Variants in ELAVL2 observed in about 807,000 individuals in gnomAD.
ELAVL2 encodes the protein ELAV like RNA binding protein 2.
A neutral mutation model predicts 34.6 loss-of-function variants in ELAVL2; 4 were observed. The observed-to-expected ratio is 0.12, with a 90% CI of 0.06 to 0.26. The LOEUF (loss-of-function observed/expected upper bound fraction) is 0.26. ELAVL2 is among the 10% of genes least tolerant of loss of function. The probability of loss-of-function intolerance (pLI) is 1.00; values close to 1 mark genes in which losing one functional copy is unlikely to be tolerated. For synonymous variants in ELAVL2, 193 were observed against 154.8 expected, an observed-to-expected ratio of 1.25 and a Z score of -1.83; for missense variants, 432 against 442.8, an observed-to-expected ratio of 0.98 and a Z score of 0.22.
the ELAVL2 span, among the ~76,000 whole-genome samples, chr9:23,843,708 C>G: frequency 6.6e-6 from 1 of 152,024 alleles, no homozygotes. Flanking sequence ...GGCAATCTCC[C>G]TCATCATTTA....
intron 1 of ELAVL2, among the ~76,000 whole-genome samples, chr9:23,805,112 A>C (rs1488753546): frequency 6.6e-6 from 1 of 152,216 alleles, no homozygotes; most frequent in Admixed American, 6.5e-5. Context: ...TGAAATTGAG[A>C]CTGAAGAAAA....
chr9:23,741,288 C>T (rs562606171), intron 2 of ELAVL2, among the ~76,000 whole-genome samples: 1 of 152,260 alleles, frequency 6.6e-6, no homozygotes, highest in Admixed American at 6.5e-5. Flanking sequence ...ACCGACCCCC[C>T]ATCCTGGAAG....
chr9:23,711,401 A>T (rs2040918861), intron 3 of ELAVL2, among the ~76,000 whole-genome samples: 1 of 152,068 alleles, frequency 6.6e-6, no homozygotes, highest in Admixed American at 6.5e-5. Context: ...TCCTCAACTT[A>T]AATTACCTAA....
At chr9:23,830,708 G>T (rs1421179978), upstream of ELAVL2, among the ~76,000 whole-genome samples, 1 of 148,680 alleles carries the variant, frequency 6.7e-6, no homozygotes, top group African/African-American at 2.5e-5. Flanking sequence ...ACTAAGATCT[G>T]TTGCACATGT....
intron 1 of ELAVL2, among the ~76,000 whole-genome samples, chr9:23,776,116 T>C (rs1015799357): frequency 3.3e-5 from 5 of 152,158 alleles, no homozygotes; most frequent in Admixed American, 3.3e-4. Context: ...CCTGTATAGC[T>C]GGAGGAGCAG....
chr9:23,814,605 T>C (rs947277631), intron 1 of ELAVL2, among the ~76,000 whole-genome samples: 2 of 151,986 alleles, frequency 1.3e-5, no homozygotes, highest in African/African-American at 4.8e-5. Flanking sequence ...AAGCCAGCAA[T>C]CAGTAAATAG....
intron 2 of ELAVL2, among the ~76,000 whole-genome samples, chr9:23,753,436 T>A (rs368701001): frequency 2.0e-5 from 3 of 151,184 alleles, no homozygotes; most frequent in Admixed American, 6.6e-5. Flanking sequence ...AAAAAAAAAA[T>A]AAAAGGCTGG....
intron 2 of ELAVL2, among the ~76,000 whole-genome samples, chr9:23,741,698 A>G (rs749049696): frequency 6.6e-6 from 1 of 152,174 alleles, no homozygotes; most frequent in Non-Finnish European, 1.5e-5. Context: ...AGATAATGCC[A>G]ATTAGACCTT....
At chr9:23,692,951 T>C (rs2033695145) in intron 6 of ELAVL2, 67 bp from the exon 7 acceptor site, 1 of 1,433,534 alleles carries the variant, frequency 7.0e-7, no homozygotes, top group Admixed American at 2.0e-5. Context: ...GTTATAGCAA[T>C]GAACGTATAC....
chr9:23,730,583 G>A (rs1473299879), intron 3 of ELAVL2, among the ~76,000 whole-genome samples: 1 of 152,102 alleles, frequency 6.6e-6, no homozygotes, highest in East Asian at 1.9e-4. Flanking sequence ...GATAACGGCT[G>A]CATCCATTTG....
At chr9:23,702,329 A>T (rs1002955807) in intron 4 of ELAVL2, among the ~76,000 whole-genome samples, 1 of 152,170 alleles carries the variant, frequency 6.6e-6, no homozygotes, top group Non-Finnish European at 1.5e-5. Context: ...TTCTGACCTC[A>T]GCAGCATCAC....
At chr9:23,702,389 A>C (rs113022642) in intron 4 of ELAVL2, among the ~76,000 whole-genome samples, 1,752 of 152,310 alleles carry the variant, frequency 0.012, 41 homozygotes, top group African/African-American at 0.041. Context: ...CCAGTGTGAA[A>C]GACACAAATG....
At chr9:23,771,546 C>A (rs908793828) in intron 1 of ELAVL2, among the ~76,000 whole-genome samples, 1 of 152,118 alleles carries the variant, frequency 6.6e-6, no homozygotes, top group African/African-American at 2.4e-5. Flanking sequence ...ATATTTGCTA[C>A]TAAATGAATC....
chr9:23,742,785 G>A (rs1564212479), intron 2 of ELAVL2, among the ~76,000 whole-genome samples: 1 of 152,156 alleles, frequency 6.6e-6, no homozygotes. Flanking sequence ...TCTTCTCTTT[G>A]TACAGGACAT....
intron 3 of ELAVL2, among the ~76,000 whole-genome samples, chr9:23,728,695 G>A (rs2045842906): frequency 6.6e-6 from 1 of 152,060 alleles, no homozygotes; most frequent in African/African-American, 2.4e-5. Context: ...TCTTAAAGCT[G>A]TGAATACTAG....
chr9:23,706,581 G>T (rs2039396098), intron 3 of ELAVL2, among the ~76,000 whole-genome samples: 1 of 152,096 alleles, frequency 6.6e-6, no homozygotes, highest in Non-Finnish European at 1.5e-5. Context: ...GTAATATTCT[G>T]GACTAGCCTA....
chr9:23,815,439 T>C (rs903853335), intron 1 of ELAVL2, among the ~76,000 whole-genome samples: 4 of 152,150 alleles, frequency 2.6e-5, no homozygotes, highest in African/African-American at 9.7e-5. Flanking sequence ...TTTTACTTCA[T>C]GGCAGAAATA....
chr9:23,702,061 A>G (rs2037448744), intron 4 of ELAVL2, among the ~76,000 whole-genome samples: 1 of 152,190 alleles, frequency 6.6e-6, no homozygotes, highest in African/African-American at 2.4e-5. Context: ...AAAATGCTAC[A>G]AAGCTATGCT....
chr9:23,772,861 C>G lies in ELAVL2; in HGVS notation c.-15-10612G>C, dbSNP rs548588259. ...TAGAGACACAACTATGTTTTATTTA[C>G]TATGGAAATTTGAGGCATCTTAAAA... is the stretch of plus-strand genomic sequence containing the variant. On this transcript the variant is annotated intron_variant, in intron 1 of 6. Transcript: ENST00000397312. Among the ~76,000 whole-genome samples the G allele has an allele frequency of 4.8e-4, 73 of 152,222 alleles. No homozygotes were observed. In the Middle Eastern group the frequency reaches 0.014, roughly 28 times the overall value.
Sources: allele counts gnomAD v4.1 joint callset (sites outside exome capture counted in the v4.1 genomes callset), GRCh38; gene constraint gnomAD v4.1.1; transcripts MANE v1.5; gene names NCBI Gene and HGNC (gene_info 2026-07-23, HGNC 2026-07-21).